TFAP2B: variants seen among roughly 807,000 people sequenced by gnomAD.
TFAP2B encodes transcription factor AP-2-beta.
A neutral mutation model predicts 44.3 loss-of-function variants in TFAP2B; 9 were observed. The observed-to-expected ratio is 0.20, with a 90% CI of 0.12 to 0.35. TFAP2B has a LOEUF of 0.35. TFAP2B is among the 10% of genes least tolerant of loss of function. The probability of loss-of-function intolerance (pLI) is 1.00; values close to 1 mark genes in which losing one functional copy is unlikely to be tolerated. For synonymous variants in TFAP2B, 270 were observed against 263.8 expected, an observed-to-expected ratio of 1.02 and a Z score of -0.23; for missense variants, 509 against 600.0, an observed-to-expected ratio of 0.85 and a Z score of 1.59.
chr6:50,832,427 G>A lies in TFAP2B; in HGVS notation c.602-3634G>A, dbSNP rs182404637. On this transcript the variant is annotated intron_variant, in intron 3 of 6. Transcript: ENST00000393655. ...GTTTTTTAATATCCCTGCTTTATTT[G>A]TGGAAATTATTTTTTTCCCCACAAT... Among the ~76,000 whole-genome samples, 387 of 152,170 alleles carry A rather than the reference G, an allele frequency of 2.5e-3. 4 individuals carry two copies. The highest frequency in any genetic ancestry group is 7.6e-3 in the African/African-American group (314 of 41,522).
At chr6:50,829,861 C>T (rs754859816) in intron 3 of TFAP2B, among the ~76,000 whole-genome samples, 1 of 152,152 alleles carries the variant, frequency 6.6e-6, no homozygotes, top group Non-Finnish European at 1.5e-5. Context: ...GCTGTACTTG[C>T]AATGATGCCA....
chr6:50,839,140 C>A (rs919683453), intron 5 of TFAP2B, among the ~76,000 whole-genome samples: 1 of 152,106 alleles, frequency 6.6e-6, no homozygotes, highest in Non-Finnish European at 1.5e-5. Flanking sequence ...CACATTTTAC[C>A]CTTCAGGGAA....
At chr6:50,839,580 C>T (rs1413542357) in intron 5 of TFAP2B, among the ~76,000 whole-genome samples, 1 of 152,166 alleles carries the variant, frequency 6.6e-6, no homozygotes. Flanking sequence ...ACAGGAACCT[C>T]TGAAGGGGAG....
At chr6:50,823,926 G>C (rs1249357884) in intron 2 of TFAP2B, 61 bp downstream of exon 2, 1 of 1,506,648 alleles carries the variant, frequency 6.6e-7, no homozygotes, top group Non-Finnish European at 8.9e-7. Flanking sequence ...TGCTTCTGGA[G>C]GGGGGGAGGT....
In TFAP2B at chr6:50,823,590, G is replaced by A. The variant is rs1770418543; in HGVS notation, c.265G>A (p.Val89Ile). The part of the protein sequence containing the change: ...YHQSQDPYSH[V>I]NDPYSLNPLH... ...CCAGAGCCAGGACCCCTACTCCCACGTCAACGACCCCTACTCCCTGAACCC... is the reference window on the plus strand; with the variant it reads ...CCAGAGCCAGGACCCCTACTCCCACATCAACGACCCCTACTCCCTGAACCC... Residue 89 changes from valine to isoleucine, a missense_variant, in exon 2 of 7, where the codon GTC becomes ATC. Val to Ile is a conservative substitution (Grantham distance 29). Coordinates refer to ENST00000393655, the MANE Select transcript of TFAP2B (RefSeq NM_003221.4). The A allele has an allele frequency of 9.3e-6, 15 of 1,613,016 alleles. No homozygotes were observed. The highest frequency in any genetic ancestry group is 1.3e-5 in the Non-Finnish European group (15 of 1,179,838).
upstream of TFAP2B, among the ~76,000 whole-genome samples, chr6:50,818,478 T>C (rs533510170): frequency 6.0e-4 from 91 of 152,294 alleles, no homozygotes; most frequent in African/African-American, 2.1e-3. Context: ...TCATTATGAA[T>C]TGCAAAGACT....
chr6:50,822,048 T>G lies in TFAP2B; in HGVS notation c.82-1359T>G, dbSNP rs1770366055. 5.2e-6 allele frequency: 5 copies of G among 955,170 alleles called. No homozygotes were observed. In the Middle Eastern group the frequency reaches 7.5e-4, roughly 143 times the overall value. The allele number at this position is 955,170 out of a possible 1,614,324, so 59.2% of individuals were successfully genotyped here. On this transcript the variant is annotated intron_variant, in intron 1 of 6. Coordinates refer to ENST00000393655, the MANE Select transcript of TFAP2B (RefSeq NM_003221.4). ...GGAAACACATCAAGCTCAGCTCCTG[T>G]GTCCAGCTCGCTTCTCTGCTGGACT...
Position 50,844,431 on chromosome 6 carries a change from T to G in TFAP2B, c.*1039T>G, listed in dbSNP as rs1423016445. ...TTTATGAGCTTCTTCAAAGAGGACTTGGGCTTCCTACACAATCTATAAGGT... is the reference window on the plus strand; with the variant it reads ...TTTATGAGCTTCTTCAAAGAGGACTGGGGCTTCCTACACAATCTATAAGGT... On this transcript the variant is annotated 3_prime_UTR_variant, in exon 7 of 7. Transcript: ENST00000393655. 2 of 152,604 alleles carry G rather than the reference T, an allele frequency of 1.3e-5. No homozygotes were observed. Among genetic ancestry groups the G allele is most frequent in the Admixed American group, 1.3e-4 (2 of 15,282 alleles). The allele number at this position is 152,604 out of a possible 1,614,324, so 9.5% of individuals were successfully genotyped here.
At position 50,844,840 on chromosome 6, in the gene TFAP2B, T is replaced by C. The variant is rs957325956; in HGVS notation, c.*1448T>C. On this transcript the variant is annotated 3_prime_UTR_variant, in exon 7 of 7. Coordinates refer to ENST00000393655, the MANE Select transcript of TFAP2B (RefSeq NM_003221.4). ...CACCCACATTTCTGTAACAATTGCT[T>C]TCTTACAAGATGCTTTATGAATGAG... The C allele has an allele frequency of 2.6e-5, 4 of 152,212 alleles. No homozygotes were observed. The highest frequency in any genetic ancestry group is 9.7e-5 in the African/African-American group (4 of 41,440). 9.4% of individuals were successfully genotyped at this position (152,212 alleles called of 1,614,324 possible). A position where few individuals can be genotyped will look rare whatever the true frequency, so the allele number is the denominator to read the frequency against.
In TFAP2B at chr6:50,845,245, A is replaced by G. The variant is rs976191621; in HGVS notation, c.*1853A>G. ...AACGACATAGATGTTGTTCTGCAGGATTTATAGTTAGGACCCACTCAATTC... is the reference window on the plus strand; with the variant it reads ...AACGACATAGATGTTGTTCTGCAGGGTTTATAGTTAGGACCCACTCAATTC... On this transcript the variant is annotated 3_prime_UTR_variant, in exon 7 of 7. Coordinates refer to ENST00000393655, the MANE Select transcript of TFAP2B (RefSeq NM_003221.4). 2.6e-5 allele frequency: 4 copies of G among 152,120 alleles called. No individual in the cohort carries two copies. Among genetic ancestry groups the G allele is most frequent in the Non-Finnish European group, 4.4e-5 (3 of 68,042 alleles). The allele number at this position is 152,120 out of a possible 1,614,324, so 9.4% of individuals were successfully genotyped here.
At position 50,845,565 on chromosome 6, in the gene TFAP2B, G is replaced by A. The variant is rs1762828938; in HGVS notation, c.*2173G>A. 6.5e-6 allele frequency: 1 copy of A among 152,752 alleles called. No individual in the cohort carries two copies. The highest frequency in any genetic ancestry group is 6.5e-5 in the Admixed American group (1 of 15,290). The allele number at this position is 152,752 out of a possible 1,614,324, so 9.5% of individuals were successfully genotyped here. On this transcript the variant is annotated 3_prime_UTR_variant, in exon 7 of 7. Transcript: ENST00000393655. ...ATGGCCAAGAGCTAGACGTTACGGA[G>A]AGTGTAGTCACTCTCTTTTCCCAGC...
chr6:50,839,574 G>T (rs1490099859), intron 5 of TFAP2B, among the ~76,000 whole-genome samples: 3 of 152,148 alleles, frequency 2.0e-5, no homozygotes, highest in Non-Finnish European at 4.4e-5. Context: ...ATGATGACAG[G>T]AACCTCTGAA....
chr6:50,826,708 G>A (rs898846332), intron 2 of TFAP2B, among the ~76,000 whole-genome samples: 1 of 151,912 alleles, frequency 6.6e-6, no homozygotes, highest in Non-Finnish European at 1.5e-5. Context: ...TAGTTGTCAT[G>A]TACACCTCTT....
Position 50,843,219 on chromosome 6 carries a change from G to A in TFAP2B, c.1210G>A (p.Gly404Ser). 4 of 1,614,168 alleles carry A rather than the reference G, an allele frequency of 2.5e-6. No individual in the cohort carries two copies. Among genetic ancestry groups the A allele is most frequent in the Non-Finnish European group, 3.4e-6 (4 of 1,180,028 alleles). The part of the protein sequence containing the change: ...CLTHFSLITH[G>S]FGAPAICAAL... ...CACGCACTTCAGCCTCATCACGCACGGCTTCGGCGCCCCGGCCATTTGCGC... is the reference window on the plus strand; with the variant it reads ...CACGCACTTCAGCCTCATCACGCACAGCTTCGGCGCCCCGGCCATTTGCGC... Residue 404 changes from glycine (G) to serine (S), a missense_variant, in exon 7 of 7, where the codon GGC (glycine) becomes AGC (serine). Gly to Ser is a moderately conservative substitution (Grantham distance 56). Around this residue, in one of 3 missense-constraint regions of TFAP2B, gnomAD observed 168 missense variants for 183.2 expected, o/e 0.92. Transcript: ENST00000393655.
chr6:50,836,386 G>A, intron 4 of TFAP2B, 106 bp downstream of exon 4: 1 of 981,044 alleles, frequency 1.0e-6, no homozygotes, highest in Non-Finnish European at 1.6e-6. Context: ...AACCCAATCT[G>A]CAGTCTGACG....
chr6:50,841,926 C>T (rs994699147), intron 6 of TFAP2B, among the ~76,000 whole-genome samples: 1 of 152,220 alleles, frequency 6.6e-6, no homozygotes, highest in African/African-American at 2.4e-5. Flanking sequence ...TGGTATTCCT[C>T]ATCAGATTTA....
Position 50,845,472 on chromosome 6 carries a change from C to T in TFAP2B, c.*2080C>T, listed in dbSNP as rs1193197549. On this transcript the variant is annotated 3_prime_UTR_variant, in exon 7 of 7. Coordinates refer to ENST00000393655, the MANE Select transcript of TFAP2B (RefSeq NM_003221.4). ...TTAGGGCCACACTGCAGCCCATCTC[C>T]AACCCCTAGCTTCGTTTAGCACTTC... The T allele has an allele frequency of 6.6e-6, 1 of 152,406 alleles. No homozygotes were observed. Among genetic ancestry groups the T allele is most frequent in the Non-Finnish European group, 1.5e-5 (1 of 68,158 alleles). 9.4% of individuals were successfully genotyped at this position (152,406 alleles called of 1,614,324 possible).
Position 50,844,749 on chromosome 6 carries a change from T to C in TFAP2B, c.*1357T>C, listed in dbSNP as rs1016598664. On this transcript the variant is annotated 3_prime_UTR_variant, in exon 7 of 7. Coordinates refer to ENST00000393655, the MANE Select transcript of TFAP2B (RefSeq NM_003221.4). ...GATTTGATTTCCCTGGGTTCTTTGG[T>C]GATTGCTGTTTAAGCAAGGAAAGAA... 4 of 152,268 alleles carry C rather than the reference T, an allele frequency of 2.6e-5. No individual in the cohort carries two copies. The highest frequency in any genetic ancestry group is 7.2e-5 in the African/African-American group (3 of 41,442). 9.4% of individuals were successfully genotyped at this position (152,268 alleles called of 1,614,324 possible). A position where few individuals can be genotyped will look rare whatever the true frequency, so the allele number is the denominator to read the frequency against.
At chr6:50,837,571 C>T (rs1227928908) in intron 4 of TFAP2B, among the ~76,000 whole-genome samples, 1 of 152,160 alleles carries the variant, frequency 6.6e-6, no homozygotes, top group Non-Finnish European at 1.5e-5. Context: ...GTGCGCTCTC[C>T]TCTCTAAGCC....
Sources: allele counts gnomAD v4.1 joint callset (sites outside exome capture counted in the v4.1 genomes callset), GRCh38; gene constraint gnomAD v4.1.1; regional missense constraint gnomAD v4.1.1; transcripts MANE v1.5; gene names NCBI Gene and HGNC (gene_info 2026-07-23, HGNC 2026-07-21).